Variants in SEMA6D observed in about 807,000 individuals in gnomAD.
SEMA6D encodes the protein semaphorin-6D.
A neutral mutation model predicts 106.6 loss-of-function variants in SEMA6D; 35 were observed. The ratio of observed to expected loss-of-function variants is 0.33; its 90% confidence interval spans 0.25 to 0.44. SEMA6D has a LOEUF of 0.44. Among genes scored for constraint, SEMA6D ranks in the 20% least tolerant of loss-of-function variants. The pLI is 1.00. For missense variants in SEMA6D, 1,185 were observed against 1,345.9 expected, an observed-to-expected ratio of 0.88 and a Z score of 1.87; for synonymous variants, 499 against 487.7, an observed-to-expected ratio of 1.02 and a Z score of -0.31.
At chr15:47,267,117 GT>G (rs1272961324) in intron 1 of SEMA6D, among the ~76,000 whole-genome samples, 1 of 152,022 alleles carries the variant, frequency 6.6e-6, no homozygotes, top group Non-Finnish European at 1.5e-5. Context: ...TGAATCATTT[GT>G]TTCTTTCAAG....
At chr15:47,306,678 G>A (rs1018057934) in intron 1 of SEMA6D, among the ~76,000 whole-genome samples, 3 of 152,210 alleles carry the variant, frequency 2.0e-5, no homozygotes, top group Non-Finnish European at 4.4e-5. Flanking sequence ...TCGTGCCACT[G>A]CACTCCATCT....
chr15:47,421,197 T>C (rs1189892579), intron 2 of SEMA6D, among the ~76,000 whole-genome samples: 1 of 152,120 alleles, frequency 6.6e-6, no homozygotes, highest in Non-Finnish European at 1.5e-5. Context: ...AGTCCCCTTG[T>C]TATACTCCTC....
intron 1 of SEMA6D, among the ~76,000 whole-genome samples, chr15:47,332,378 C>G (rs1015941548): frequency 6.6e-6 from 1 of 152,124 alleles, no homozygotes; most frequent in Non-Finnish European, 1.5e-5. Context: ...TGAGTCTGAA[C>G]AGTGAGTCCG....
At chr15:47,658,043 C>T (rs1459701361) in intron 4 of SEMA6D, among the ~76,000 whole-genome samples, 7 of 151,922 alleles carry the variant, frequency 4.6e-5, no homozygotes, top group African/African-American at 1.7e-4. Context: ...CCCAGCAGGG[C>T]TTCATTTCTT....
chr15:47,588,256 G>C (rs947447136), intron 3 of SEMA6D, among the ~76,000 whole-genome samples: 32 of 152,168 alleles, frequency 2.1e-4, no homozygotes, highest in African/African-American at 7.2e-4. Context: ...TTCCTCTGCA[G>C]AGACATTGCC....
intron 1 of SEMA6D, among the ~76,000 whole-genome samples, chr15:47,266,501 G>C (rs1389211921): frequency 2.0e-5 from 3 of 151,912 alleles, no homozygotes; most frequent in African/African-American, 7.2e-5. Context: ...TTTTTGGTTT[G>C]CCTTTTCCAA....
chr15:47,635,927 A>G (rs2077379055), intron 4 of SEMA6D, among the ~76,000 whole-genome samples: 2 of 149,536 alleles, frequency 1.3e-5, no homozygotes, highest in South Asian at 2.1e-4. Flanking sequence ...GCACCTGACC[A>G]AAAAATAAAA....
chr15:47,451,073 C>T (rs930904092), intron 2 of SEMA6D, among the ~76,000 whole-genome samples: 2 of 152,118 alleles, frequency 1.3e-5, no homozygotes, highest in East Asian at 1.9e-4. Context: ...CCCTGCTTTG[C>T]AGCGAATGTG....
chr15:47,648,535 A>G (rs1307696349), intron 4 of SEMA6D, among the ~76,000 whole-genome samples: 2 of 152,066 alleles, frequency 1.3e-5, no homozygotes, highest in African/African-American at 2.4e-5. Context: ...TAATCATACA[A>G]ATGCACTTAG....
intron 1 of SEMA6D, among the ~76,000 whole-genome samples, chr15:47,189,607 A>G (rs1893821185): frequency 6.6e-6 from 1 of 152,196 alleles, no homozygotes; most frequent in Non-Finnish European, 1.5e-5. Flanking sequence ...TCCAAATCTA[A>G]CCAGCTACCT....
At chr15:47,748,654 A>C (rs887463669) in intron 1 of SEMA6D, among the ~76,000 whole-genome samples, 1 of 152,230 alleles carries the variant, frequency 6.6e-6, no homozygotes, top group Non-Finnish European at 1.5e-5. Flanking sequence ...TAGCGTGTGC[A>C]GAAGACACTG....
At chr15:47,625,147 C>A (rs2077178428) in intron 4 of SEMA6D, among the ~76,000 whole-genome samples, 1 of 152,062 alleles carries the variant, frequency 6.6e-6, no homozygotes, top group Admixed American at 6.6e-5. Flanking sequence ...GTTGACAAAT[C>A]ACTTTTCTCC....
At chr15:47,610,085 G>A (rs1210167317) in intron 4 of SEMA6D, among the ~76,000 whole-genome samples, 2 of 152,206 alleles carry the variant, frequency 1.3e-5, no homozygotes, top group East Asian at 1.9e-4. Flanking sequence ...TGGTTAAAGA[G>A]GGGTCTTACT....
chr15:47,344,545 G>T (rs1379802169), intron 1 of SEMA6D, among the ~76,000 whole-genome samples: 1 of 152,146 alleles, frequency 6.6e-6, no homozygotes, highest in African/African-American at 2.4e-5. Flanking sequence ...TATGCTCCCT[G>T]TGTTGAGGAT....
At chr15:47,571,159 A>G (rs2046370893) in intron 3 of SEMA6D, among the ~76,000 whole-genome samples, 1 of 151,978 alleles carries the variant, frequency 6.6e-6, no homozygotes, top group Non-Finnish European at 1.5e-5. Flanking sequence ...TTTAATTGAC[A>G]GGGTCATAAG....
At chr15:47,345,978 A>C (rs1413200409) in intron 1 of SEMA6D, among the ~76,000 whole-genome samples, 1 of 152,106 alleles carries the variant, frequency 6.6e-6, no homozygotes, top group Non-Finnish European at 1.5e-5. Flanking sequence ...TTATTATGTC[A>C]ATTATACCTA....
At chr15:47,735,783 G>A (rs373174812) in intron 1 of SEMA6D, among the ~76,000 whole-genome samples, 17 of 152,234 alleles carry the variant, frequency 1.1e-4, no homozygotes, top group African/African-American at 1.9e-4. Flanking sequence ...GAGCTTTTCC[G>A]TAATGGTGAA....
intron 2 of SEMA6D, among the ~76,000 whole-genome samples, chr15:47,424,752 G>A (rs1457073135): frequency 6.6e-6 from 1 of 152,094 alleles, no homozygotes; most frequent in East Asian, 1.9e-4. Context: ...CACTTCTGAA[G>A]GTTCAAGTCT....
chr15:47,207,597 T>C (rs1413393886), intron 1 of SEMA6D, among the ~76,000 whole-genome samples: 1 of 152,182 alleles, frequency 6.6e-6, no homozygotes. Context: ...AAGAATTTCA[T>C]GGTTTGAGAA....
Sources: allele counts gnomAD v4.1 joint callset (sites outside exome capture counted in the v4.1 genomes callset), GRCh38; gene constraint gnomAD v4.1.1; transcripts MANE v1.5; gene names NCBI Gene and HGNC (gene_info 2026-07-23, HGNC 2026-07-21).